Variants in SGCZ observed in about 807,000 individuals in gnomAD.
The protein encoded by SGCZ is zeta-sarcoglycan.
SGCZ carries 40 observed loss-of-function variants against 41.3 expected under a neutral mutation model. The observed-to-expected ratio is 0.97, with a 90% CI of 0.75 to 1.26. The LOEUF is 1.26. Ranked by LOEUF, SGCZ falls within the 50% of genes most tolerant of loss-of-function variation. The pLI is 0.00. For missense variants in SGCZ, 552 were observed against 369.8 expected, an observed-to-expected ratio of 1.49 and a Z score of -4.04; for synonymous variants, 206 against 137.5, an observed-to-expected ratio of 1.50 and a Z score of -3.49.
At chr8:15,076,752 TCA>T (rs1491142678) in intron 1 of SGCZ, among the ~76,000 whole-genome samples, 18 of 139,892 alleles carry the variant, frequency 1.3e-4, no homozygotes, top group African/African-American at 5.0e-4. Flanking sequence ...TAAGTCTCTC[TCA>T]TTTTTTTTTT....
chr8:14,723,889 C>A (rs1323890943), intron 1 of SGCZ, among the ~76,000 whole-genome samples: 1 of 151,946 alleles, frequency 6.6e-6, no homozygotes, highest in Non-Finnish European at 1.5e-5. Context: ...GGTAGTGGTT[C>A]CTTCCACCTT....
chr8:14,905,836 G>A (rs184078203), intron 1 of SGCZ, among the ~76,000 whole-genome samples: 19 of 151,414 alleles, frequency 1.3e-4, no homozygotes, highest in South Asian at 4.2e-4. Flanking sequence ...AAAACCATTC[G>A]TACAAACTGA....
chr8:14,890,254 G>T (rs1435175925), intron 1 of SGCZ, among the ~76,000 whole-genome samples: 5 of 148,682 alleles, frequency 3.4e-5, no homozygotes, highest in Admixed American at 6.8e-5. Flanking sequence ...AAGAGAGAAA[G>T]GAAAAGGAAG....
chr8:14,783,446 G>C (rs1205107517), intron 1 of SGCZ, among the ~76,000 whole-genome samples: 1 of 148,958 alleles, frequency 6.7e-6, no homozygotes, highest in African/African-American at 2.5e-5. Flanking sequence ...AAAAAAAAAA[G>C]AAGGAAAGAA....
rs1801492365 is a variant in SGCZ at position 14,085,281 on chromosome 8, A to G, written c.*5162T>C. Reference sequence around the variant, plus strand: ...TTTTCATATATCTATATATACAAGAAAACATTTACATGAAAGTACAAAACA... The same window carrying G: ...TTTTCATATATCTATATATACAAGAGAACATTTACATGAAAGTACAAAACA... On this transcript the variant is annotated 3_prime_UTR_variant, in exon 8 of 8. Coordinates refer to ENST00000382080, the MANE Select transcript of SGCZ (RefSeq NM_139167.4). Among the ~76,000 whole-genome samples the G allele has an allele frequency of 6.6e-6, 1 of 151,814 alleles. No homozygotes were observed. The highest frequency in any genetic ancestry group is 1.5e-5 in the Non-Finnish European group (1 of 67,830).
At chr8:14,691,088 A>C (rs961953238) in intron 1 of SGCZ, among the ~76,000 whole-genome samples, 1 of 152,176 alleles carries the variant, frequency 6.6e-6, no homozygotes, top group African/African-American at 2.4e-5. Flanking sequence ...CTATAAATGC[A>C]CTTATTTATT....
At chr8:14,632,132 C>T (rs1369986774) in intron 1 of SGCZ, among the ~76,000 whole-genome samples, 2 of 152,048 alleles carry the variant, frequency 1.3e-5, no homozygotes, top group African/African-American at 4.8e-5. Flanking sequence ...GATCCTCCCA[C>T]CTCAGCCACC....
rs549477147 is a variant in SGCZ at position 14,391,253 on chromosome 8, G to T, written c.235-67049C>A. 2.6e-5 allele frequency among the ~76,000 whole-genome samples: 4 copies of T among 152,102 alleles called. No individual in the cohort carries two copies. The South Asian group carries it at 8.3e-4, about 32-fold the overall frequency. Reference sequence around the variant, plus strand: ...AATGAAAACATTTATTCCCAAATAGGTTCAGTCTTCTGACAGTTAAAACTT... The same window carrying T: ...AATGAAAACATTTATTCCCAAATAGTTTCAGTCTTCTGACAGTTAAAACTT... On this transcript the variant is annotated intron_variant, in intron 2 of 7. Transcript: ENST00000382080.
intron 1 of SGCZ, among the ~76,000 whole-genome samples, chr8:15,036,617 T>C (rs4831671): frequency 0.17 from 26,037 of 152,070 alleles, 2,535 homozygotes; most frequent in South Asian, 0.28. Flanking sequence ...CAAAGAAAAG[T>C]AGAGGAACTA....
chr8:14,118,484 G>A (rs1162796990), intron 5 of SGCZ, among the ~76,000 whole-genome samples: 4 of 151,982 alleles, frequency 2.6e-5, no homozygotes, highest in Non-Finnish European at 5.9e-5. Flanking sequence ...TAAAGAGATT[G>A]CAAAAACTTT....
rs144202468 is a variant in SGCZ at position 14,866,371 on chromosome 8, A to T, written c.40-311445T>A. Reference sequence around the variant, plus strand: ...CTGGTTTTATTCTGAGTATTTCATTATCAACATTCAGCATCTTTTGAGACT... The same window carrying T: ...CTGGTTTTATTCTGAGTATTTCATTTTCAACATTCAGCATCTTTTGAGACT... On this transcript the variant is annotated intron_variant, in intron 1 of 7. Transcript: ENST00000382080. Among the ~76,000 whole-genome samples the T allele has an allele frequency of 3.5e-3, 535 of 152,288 alleles. 8 individuals carry two copies. The highest frequency in any genetic ancestry group is 7.8e-3 in the Admixed American group (119 of 15,280).
intron 1 of SGCZ, among the ~76,000 whole-genome samples, chr8:14,563,392 G>C (rs1804266339): frequency 6.6e-6 from 1 of 152,198 alleles, no homozygotes; most frequent in Non-Finnish European, 1.5e-5. Flanking sequence ...AATGACTCCT[G>C]TTAATAGGTG....
intron 4 of SGCZ, among the ~76,000 whole-genome samples, chr8:14,167,682 TA>T (rs1804250124): frequency 6.6e-6 from 1 of 152,184 alleles, no homozygotes; most frequent in South Asian, 2.1e-4. Flanking sequence ...TCTACTTTTT[TA>T]AATGTTCTAT....
At chr8:14,256,996 A>G (rs34307156) in intron 3 of SGCZ, among the ~76,000 whole-genome samples, 32,104 of 152,102 alleles carry the variant, frequency 0.21, 4,504 homozygotes, top group Non-Finnish European at 0.31. Flanking sequence ...ATTAAAAATA[A>G]TCCTCATTAT....
intron 4 of SGCZ, among the ~76,000 whole-genome samples, chr8:14,224,195 C>T (rs1003779241): frequency 2.0e-5 from 3 of 152,140 alleles, no homozygotes; most frequent in African/African-American, 7.2e-5. Context: ...TGAACCTAGG[C>T]CTTTCATATG....
At chr8:14,309,009 C>A in intron 3 of SGCZ, 2 of 1,078,638 alleles carry the variant, frequency 1.9e-6, no homozygotes, top group East Asian at 2.4e-5. Flanking sequence ...CGGCCTCAGC[C>A]TCACTTTTAC....
At chr8:14,728,753 A>G (rs1230749716) in intron 1 of SGCZ, among the ~76,000 whole-genome samples, 1 of 152,200 alleles carries the variant, frequency 6.6e-6, no homozygotes, top group Non-Finnish European at 1.5e-5. Context: ...GCTTCTCAAA[A>G]GTGACAACAG....
intron 1 of SGCZ, among the ~76,000 whole-genome samples, chr8:14,622,341 T>TG (rs1806313488): frequency 6.6e-6 from 1 of 152,146 alleles, no homozygotes; most frequent in African/African-American, 2.4e-5. Context: ...ATGAGTTTCT[T>TG]GGGGTCAGGA....
intron 1 of SGCZ, among the ~76,000 whole-genome samples, chr8:14,995,876 T>G (rs528660435): frequency 7.2e-5 from 11 of 152,268 alleles, no homozygotes; most frequent in African/African-American, 2.6e-4. Flanking sequence ...TGGCATCCGT[T>G]TCTTACCTCT....
Sources: gnomAD v4.1 joint callset for allele counts (sites outside exome capture counted in the v4.1 genomes callset) on GRCh38, gnomAD v4.1.1 for gene constraint, MANE v1.5 for transcripts, NCBI Gene and HGNC (gene_info 2026-07-23, HGNC 2026-07-21) for gene names.